The following EEF1D variants were observed in gnomAD, a reference collection of about 807,000 sequenced individuals.
EEF1D encodes eukaryotic translation elongation factor 1 delta, also known as elongation factor 1-delta.
Under a neutral mutation model 63.9 loss-of-function variants are expected in EEF1D, and 47 were observed. The observed-to-expected ratio is 0.74, with a 90% CI of 0.58 to 0.94. The LOEUF (loss-of-function observed/expected upper bound fraction) is 0.94. Ranked by LOEUF, EEF1D falls within the 40% of genes least tolerant of loss-of-function variation. The probability of loss-of-function intolerance (pLI) is 0.00; values close to 1 mark genes in which losing one functional copy is unlikely to be tolerated. For missense variants in EEF1D, 907 were observed against 899.0 expected, an observed-to-expected ratio of 1.01 and a Z score of -0.11; for synonymous variants, 412 against 386.1, an observed-to-expected ratio of 1.07 and a Z score of -0.79.
At position 143,589,890 on chromosome 8, in the gene EEF1D, T is replaced by C. The variant is rs1229754002; in HGVS notation, c.192A>G (p.Glu64=). The C allele has an allele frequency of 1.9e-6, 3 of 1,599,092 alleles. No homozygotes were observed. The highest frequency in any genetic ancestry group is 2.6e-6 in the Non-Finnish European group (3 of 1,175,914). Residue 64 remains glutamate (E), a synonymous_variant, in exon 3 of 10, where the codon GAA becomes GAG. Coordinates refer to ENST00000618139, the MANE Select transcript of EEF1D (RefSeq NM_001130053.5). ...QDDPEDADEA[E]APDGGSRRDP... ...CACGCCTGCTGCCGCCGTCAGGGGC[T>C]TCCGCCTCATCAGCGTCCTCAGGGT...
intron 2 of EEF1D, among the ~76,000 whole-genome samples, chr8:143,591,618 G>A (rs879891869): frequency 2.0e-5 from 3 of 152,242 alleles, no homozygotes; most frequent in Non-Finnish European, 4.4e-5. Context: ...CACAGACACC[G>A]CTGCTAGTCT....
chr8:143,589,789 G>A lies in EEF1D; in HGVS notation c.293C>T (p.Pro98Leu), dbSNP rs1280011246. ...GAGGCCCAGGAGGGCCAGGTCCGCGGGGCCGAGCCCGCTCTTGGGGGAGCG... is the reference window on the plus strand; with the variant it reads ...GAGGCCCAGGAGGGCCAGGTCCGCGAGGCCGAGCCCGCTCTTGGGGGAGCG... ...RKRSPKSGLG[P>L]ADLALLGLSA... Residue 98 changes from proline (P) to leucine (L), a missense_variant, in exon 3 of 10, where the codon CCC (proline) becomes CTC (leucine). Coordinates refer to ENST00000618139, the MANE Select transcript of EEF1D (RefSeq NM_001130053.5). The A allele has an allele frequency of 1.3e-6, 2 of 1,577,574 alleles. No homozygotes were observed. Among genetic ancestry groups the A allele is most frequent in the African/African-American group, 1.4e-5 (1 of 73,456 alleles).
Position 143,580,551 on chromosome 8 carries a change from CT to C in EEF1D, c.1664del (p.Lys555SerfsTer96). On this transcript the variant is annotated frameshift_variant, in exon 8 of 10. Coordinates refer to ENST00000618139, the MANE Select transcript of EEF1D (RefSeq NM_001130053.5). LOFTEE classifies it high-confidence loss of function. The part of the protein sequence containing the change: ...LRQYAEKKAK[K>X]PALVAKSSIL... The stretch of plus-strand genomic sequence containing the variant: ...TGGAGGACTTGGCCACCAGTGCAGG[CT>C]TCTTGGCCTTCTTCTCCGCGTACTG... The C allele has an allele frequency of 6.2e-7, 1 of 1,613,134 alleles. No individual in the cohort carries two copies. Among genetic ancestry groups the C allele is most frequent in the African/African-American group, 1.3e-5 (1 of 75,046 alleles).
intron 1 of EEF1D, chr8:143,593,728 TG>T: frequency 2.8e-6 from 1 of 358,748 alleles, no homozygotes; most frequent in Non-Finnish European, 3.9e-6. Context: ...TAAGCCATGC[TG>T]GAGACCTGGA....
intron 2 of EEF1D, 101 bp downstream of exon 2, chr8:143,592,546 G>T: frequency 2.1e-6 from 2 of 946,844 alleles, no homozygotes; most frequent in Non-Finnish European, 2.5e-6. Context: ...GGCAGACTGG[G>T]CCATGCGCAG....
chr8:143,587,005 A>G (rs1826789342), intron 3 of EEF1D, 153 bp from the exon 4 acceptor site: 1 of 1,013,900 alleles, frequency 9.9e-7, no homozygotes, highest in East Asian at 2.5e-5. Context: ...CCCTCACCCC[A>G]CATGGCATCC....
chr8:143,586,031 A>T (rs1826516684), intron 5 of EEF1D, 188 bp downstream of exon 5: 1 of 514,798 alleles, frequency 1.9e-6, no homozygotes, highest in Non-Finnish European at 3.5e-6. Context: ...AAGGGACGCG[A>T]GAATAAGAAC....
chr8:143,585,516 G>A (rs1289451756), intron 5 of EEF1D, among the ~76,000 whole-genome samples: 5 of 152,318 alleles, frequency 3.3e-5, no homozygotes, highest in Non-Finnish European at 4.4e-5. Flanking sequence ...TGTTTCCAGC[G>A]TGAGGCTGTG....
chr8:143,594,892 C>G (rs973581450), intron 1 of EEF1D, among the ~76,000 whole-genome samples: 1 of 66,296 alleles, frequency 1.5e-5, no homozygotes, highest in Non-Finnish European at 5.4e-5. Context: ...TCAATGTCTT[C>G]CTGCGTGGAG....
chr8:143,580,678 G>A lies in EEF1D; in HGVS notation c.1538C>T (p.Thr513Ile), dbSNP rs1452000986. 5.6e-6 allele frequency: 9 copies of A among 1,613,836 alleles called. No homozygotes were observed. In the African/African-American group the frequency reaches 9.3e-5, roughly 17 times the overall value. Residue 513 changes from threonine to isoleucine, a missense_variant, in exon 8 of 10, where the codon ACA becomes ATA. Coordinates refer to ENST00000618139, the MANE Select transcript of EEF1D (RefSeq NM_001130053.5). Reference sequence around the variant, plus strand: ...ATCATCCTCGTCATCCTCTGCTGGTGTGGCTGGCTTCTTGGCTGGGGGCTC... The same window carrying A: ...ATCATCCTCGTCATCCTCTGCTGGTATGGCTGGCTTCTTGGCTGGGGGCTC... ...QVEPPAKKPATPAEDDEDDDI... is the reference protein window; with the variant it reads ...QVEPPAKKPAIPAEDDEDDDI...
In EEF1D at chr8:143,586,129, G is replaced by T. The variant is rs562213745; in HGVS notation, c.1287+90C>A. ...GTGCACCCTGCCCTGACTCTGCTGT[G>T]AAGCCAAAACAACCAGCAGCATCAG... On this transcript the variant is annotated intron_variant, in intron 5 of 9. Transcript: ENST00000618139. 8.6e-5 allele frequency: 110 copies of T among 1,283,040 alleles called. 1 individual carries two copies. The African/African-American group carries it at 1.3e-3, about 15-fold the overall frequency. 79.5% of individuals were successfully genotyped at this position (1,283,040 alleles called of 1,614,324 possible).
intron 2 of EEF1D, chr8:143,590,367 AATAT>A: frequency 1.6e-6 from 1 of 630,934 alleles, no homozygotes; most frequent in Non-Finnish European, 2.7e-6. Context: ...ATACATGAAC[AATAT>A]ATAATTTTGT....
chr8:143,580,737 G>T lies in EEF1D; in HGVS notation c.1489-10C>A. 1 of 1,612,072 alleles carries T rather than the reference G, an allele frequency of 6.2e-7. No homozygotes were observed. The highest frequency in any genetic ancestry group is 8.5e-7 in the Non-Finnish European group (1 of 1,179,972). On this transcript the variant is annotated splice_polypyrimidine_tract_variant and intron_variant, in intron 7 of 9. Transcript: ENST00000618139. ...GCATGGGAGATACGTGCTGCCACAG[G>T]GGAAGGGACAGGAGGCACGGCTGAG...
At chr8:143,590,184 T>C (rs533397050) in intron 2 of EEF1D, 103 bp from the exon 3 acceptor site, 15 of 1,278,106 alleles carry the variant, frequency 1.2e-5, no homozygotes, top group East Asian at 5.2e-5. Context: ...TCCCCGTGGC[T>C]GCCCTCCCTG....
intron 4 of EEF1D, 40 bp from the exon 5 acceptor site, chr8:143,586,330 T>A (rs1375260836): frequency 2.3e-5 from 34 of 1,464,572 alleles, no homozygotes; most frequent in Non-Finnish European, 2.9e-5. Context: ...TTTTTTATTA[T>A]TAAAAAAGAA....
chr8:143,588,701 G>A (rs1467859321), intron 3 of EEF1D: 6 of 464,296 alleles, frequency 1.3e-5, no homozygotes, highest in Non-Finnish European at 2.3e-5. Flanking sequence ...GAGCTTCCCA[G>A]CCAAAGAGGG....
At chr8:143,586,972 C>A in intron 3 of EEF1D, 120 bp from the exon 4 acceptor site, 5 of 1,383,658 alleles carry the variant, frequency 3.6e-6, no homozygotes, top group Non-Finnish European at 5.0e-6. Flanking sequence ...CGGTTCTCCA[C>A]AAAGCGACAC....
At chr8:143,593,867 G>A in intron 1 of EEF1D, 1 of 985,388 alleles carries the variant, frequency 1.0e-6, no homozygotes, top group Non-Finnish European at 1.2e-6. Context: ...TCCCAAGCAT[G>A]GGAGGACCTG....
At chr8:143,595,457 G>T (rs1036355008) in intron 1 of EEF1D, among the ~76,000 whole-genome samples, 3 of 152,148 alleles carry the variant, frequency 2.0e-5, no homozygotes, top group African/African-American at 4.8e-5. Context: ...GCCTGCCTCG[G>T]CCTCCCAAAG....
Sources: gnomAD v4.1 joint callset for allele counts (sites outside exome capture counted in the v4.1 genomes callset) on GRCh38, gnomAD v4.1.1 for gene constraint, MANE v1.5 for transcripts, NCBI Gene and HGNC (gene_info 2026-07-23, HGNC 2026-07-21) for gene names.